The following FBLN2 variants were observed in gnomAD, a reference collection of about 807,000 sequenced individuals.
The protein encoded by FBLN2 is fibulin 2, also known as fibulin-2.
Under a neutral mutation model 123.7 loss-of-function variants are expected in FBLN2, and 81 were observed. The observed-to-expected ratio is 0.65, with a 90% CI of 0.55 to 0.79. The LOEUF (loss-of-function observed/expected upper bound fraction) is 0.79, where lower values mean the gene tolerates loss of function less well. Ranked by LOEUF, FBLN2 falls within the 30% of genes least tolerant of loss-of-function variation. The probability of loss-of-function intolerance (pLI) is 0.00; values close to 1 mark genes in which losing one functional copy is unlikely to be tolerated. For missense variants in FBLN2, 1,603 were observed against 1,681.3 expected (o/e 0.95, Z 0.81); for synonymous variants, 699 against 701.4 (o/e 1.00, Z 0.05).
chr3:13,626,055 G>A (rs1706025277), intron 9 of FBLN2, among the ~76,000 whole-genome samples: 1 of 151,796 alleles, frequency 6.6e-6, no homozygotes, highest in Non-Finnish European at 1.5e-5. Flanking sequence ...CCCGCCCAGC[G>A]CCCCCCGCTG....
At position 13,615,053 on chromosome 3, in the gene FBLN2, C is replaced by A. The variant is rs189672654; in HGVS notation, c.1729+889C>A. ...CCATCCTCGTTGTCCTTGGTGTCACCCCCTTCTTCTTCCCTTCTTGTGCTG... is the reference window on the plus strand; with the variant it reads ...CCATCCTCGTTGTCCTTGGTGTCACACCCTTCTTCTTCCCTTCTTGTGCTG... On this transcript the variant is annotated intron_variant, in intron 5 of 17. Transcript: ENST00000404922. 2.9e-4 allele frequency among the ~76,000 whole-genome samples: 44 copies of A among 152,134 alleles called. No homozygotes were observed. The East Asian group carries it at 5.6e-3, about 19-fold the overall frequency.
At chr3:13,555,212 A>G (rs1703430737) in intron 1 of FBLN2, among the ~76,000 whole-genome samples, 1 of 152,052 alleles carries the variant, frequency 6.6e-6, no homozygotes, top group Admixed American at 6.6e-5. Flanking sequence ...TTGGCCTCCC[A>G]AAGTGCTGGG....
intron 2 of FBLN2, among the ~76,000 whole-genome samples, chr3:13,574,491 C>A (rs1462201851): frequency 2.6e-5 from 4 of 152,218 alleles, no homozygotes; most frequent in African/African-American, 9.6e-5. Context: ...ATGTGGCTTC[C>A]ATTAGGCCAC....
chr3:13,570,996 G>A lies in FBLN2; in HGVS notation c.641G>A (p.Gly214Asp), dbSNP rs111462798. The change falls in exon 2 of 18, where the codon GGT becomes GAT. Residue 214 changes from glycine (G) to aspartate (D), a missense_variant. Gly to Asp is a moderately conservative substitution (Grantham distance 94). Transcript: ENST00000404922. ...AEVEAATALG[G>D]EVQAGAVQAG... Reference sequence around the variant, plus strand: ...GTGGAAGCAGCAACAGCCCTGGGGGGTGAGGTCCAGGCGGGTGCAGTCCAG... The same window carrying A: ...GTGGAAGCAGCAACAGCCCTGGGGGATGAGGTCCAGGCGGGTGCAGTCCAG... 1 of 1,605,632 alleles carries A rather than the reference G, an allele frequency of 6.2e-7. No individual in the cohort carries two copies. The highest frequency in any genetic ancestry group is 8.5e-7 in the Non-Finnish European group (1 of 1,176,444).
intron 2 of FBLN2, among the ~76,000 whole-genome samples, chr3:13,597,417 A>G (rs567379025): frequency 6.6e-6 from 1 of 152,218 alleles, no homozygotes; most frequent in African/African-American, 2.4e-5. Context: ...GATGGCAGTC[A>G]GCAAGAGTTC....
At position 13,570,311 on chromosome 3, in the gene FBLN2, C is replaced by T. The variant is rs1265239415; in HGVS notation, c.-41-4C>T. 6.8e-7 allele frequency: 1 copy of T among 1,476,524 alleles called. No homozygotes were observed. Among genetic ancestry groups the T allele is most frequent in the Non-Finnish European group, 9.0e-7 (1 of 1,110,100 alleles). The allele number at this position is 1,476,524 out of a possible 1,614,324, so 91.5% of individuals were successfully genotyped here. A position where few individuals can be genotyped will look rare whatever the true frequency, so the allele number is the denominator to read the frequency against. On this transcript the variant is annotated splice_polypyrimidine_tract_variant and splice_region_variant and intron_variant, in intron 1 of 17. Transcript: ENST00000404922. The stretch of plus-strand genomic sequence containing the variant: ...CTGACAGGCTTCCTTTCTGATTCCC[C>T]CAGGGTCTTACAGGAGAGGGGACCG...
At chr3:13,610,067 T>A (rs183844375) in intron 4 of FBLN2, among the ~76,000 whole-genome samples, 34 of 152,252 alleles carry the variant, frequency 2.2e-4, no homozygotes, top group Middle Eastern at 6.8e-3. Context: ...GGGACTGCAG[T>A]ATCAGCTGAC....
In FBLN2 at chr3:13,557,237, TGAGC is replaced by T. The variant is rs563603597; in HGVS notation, c.-42+8033_-42+8036del. Reference sequence around the variant, plus strand: ...GGAGCCATTCCCTGAGCCTGGGGACTGAGCGAGGCAGCCTGCTGCCCTAGGAGGG... The same window carrying T: ...GGAGCCATTCCCTGAGCCTGGGGACTGAGGCAGCCTGCTGCCCTAGGAGGG... On this transcript the variant is annotated intron_variant, in intron 1 of 17. Transcript: ENST00000404922. 7.2e-5 allele frequency among the ~76,000 whole-genome samples: 11 copies of T among 152,348 alleles called. No homozygotes were observed. In the East Asian group the frequency reaches 1.9e-3, roughly 27 times the overall value.
At chr3:13,623,523 G>A (rs571431398) in intron 9 of FBLN2, among the ~76,000 whole-genome samples, 2 of 152,192 alleles carry the variant, frequency 1.3e-5, no homozygotes, top group Non-Finnish European at 2.9e-5. Flanking sequence ...TCATCCCGTC[G>A]TGTTAGTACC....
At chr3:13,559,655 A>G (rs866393114) in intron 1 of FBLN2, among the ~76,000 whole-genome samples, 11 of 152,334 alleles carry the variant, frequency 7.2e-5, no homozygotes, top group Non-Finnish European at 1.2e-4. Flanking sequence ...AATATGTGCC[A>G]GGTGGTCAGA....
rs1376226954 is a variant in FBLN2 at position 13,570,532 on chromosome 3, G to T, written c.177G>T (p.Val59=). The T allele has an allele frequency of 1.3e-6, 2 of 1,593,252 alleles. No individual in the cohort carries two copies. Among genetic ancestry groups the T allele is most frequent in the Non-Finnish European group, 1.7e-6 (2 of 1,171,754 alleles). ...CGGGTGCCTGCTGTGCCACGTGTGT[G>T]CAGCAGGGCTGCGCCTGCGAGGGCT... ...LEPGACCATC[V]QQGCACEGYQ... The change falls in exon 2 of 18, where the codon GTG becomes GTT. Residue 59 remains valine (V), a synonymous_variant. Coordinates refer to ENST00000404922, the MANE Select transcript of FBLN2 (RefSeq NM_001004019.2).
At chr3:13,609,688 G>GGGGGGGGGGGCCC in intron 4 of FBLN2, 46 bp downstream of exon 4, 4 of 512,598 alleles carry the variant, frequency 7.8e-6, no homozygotes, top group East Asian at 6.7e-5. Context: ...GTGGGGCGGG[G>GGGGGGGGGGGCCC]CGGGAGGCTG....
At chr3:13,568,826 C>T in intron 1 of FBLN2, 1 of 985,650 alleles carries the variant, frequency 1.0e-6, no homozygotes. Flanking sequence ...ATTATCTGCC[C>T]CTCCACCCCT....
intron 1 of FBLN2, among the ~76,000 whole-genome samples, chr3:13,554,947 CT>C (rs199976666): frequency 4.6e-4 from 65 of 141,656 alleles, no homozygotes; most frequent in Middle Eastern, 3.7e-3. Flanking sequence ...CTTATATTTA[CT>C]TTTTTTTTTT....
chr3:13,621,655 G>C (rs1705854448), intron 8 of FBLN2, 120 bp from the exon 9 acceptor site: 3 of 1,050,876 alleles, frequency 2.9e-6, no homozygotes, highest in Admixed American at 2.2e-5. Flanking sequence ...CAGTCAGGCG[G>C]GGAGGCCCCA....
At chr3:13,593,570 C>T (rs111745607) in intron 2 of FBLN2, among the ~76,000 whole-genome samples, 65 of 152,072 alleles carry the variant, frequency 4.3e-4, no homozygotes, top group Non-Finnish European at 7.4e-4. Context: ...AAAAATTAGC[C>T]GGGCGTGGTG....
chr3:13,613,386 A>G (rs1465612134), intron 4 of FBLN2, among the ~76,000 whole-genome samples: 2 of 152,214 alleles, frequency 1.3e-5, no homozygotes, highest in Non-Finnish European at 2.9e-5. Context: ...AATAAAACCA[A>G]TTTATTTTTG....
At chr3:13,619,264 CT>C (rs1705757612) in intron 7 of FBLN2, among the ~76,000 whole-genome samples, 1 of 152,166 alleles carries the variant, frequency 6.6e-6, no homozygotes, top group Admixed American at 6.5e-5. Flanking sequence ...CAGTTAGCTG[CT>C]TTTTGTCTCC....
In FBLN2 at chr3:13,628,930, C is replaced by G. The variant is rs374811722; in HGVS notation, c.2595C>G (p.Ser865=). 3 of 1,612,628 alleles carry G rather than the reference C, an allele frequency of 1.9e-6. No homozygotes were observed. The change falls in exon 12 of 18, where the codon TCC becomes TCG. Residue 865 remains serine, a synonymous_variant. Transcript: ENST00000404922. ...CVDINECTSL[S]EPCRPGFSCI... is the part of the protein sequence containing the mutation. ...ACATCAACGAGTGCACGTCACTGTC[C>G]GAGCCATGTCGGCCAGGCTTCAGCT...
Sources: allele counts gnomAD v4.1 joint callset (sites outside exome capture counted in the v4.1 genomes callset), GRCh38; gene constraint gnomAD v4.1.1; transcripts MANE v1.5; gene names NCBI Gene and HGNC (gene_info 2026-07-23, HGNC 2026-07-21).